SCN2A: variants seen among roughly 807,000 people sequenced by gnomAD.
The protein encoded by SCN2A is sodium voltage-gated channel alpha subunit 2.
Under a neutral mutation model 188.7 loss-of-function variants are expected in SCN2A, and 20 were observed. That is an observed-to-expected ratio of 0.11 (90% CI 0.07 to 0.15). The LOEUF (loss-of-function observed/expected upper bound fraction) is 0.15, where lower values mean the gene tolerates loss of function less well. SCN2A is among the 10% of genes least tolerant of loss of function. The pLI is 1.00. For missense variants in SCN2A, 1,278 were observed against 2,445.0 expected (o/e 0.52, Z 10.07); for synonymous variants, 804 against 833.1 (o/e 0.97, Z 0.60).
At chr2:165,300,841 G>T (rs1261953497) in intron 3 of SCN2A, among the ~76,000 whole-genome samples, 1 of 152,096 alleles carries the variant, frequency 6.6e-6, no homozygotes, top group Non-Finnish European at 1.5e-5. Context: ...ATCATGACTT[G>T]ACTCACATAT....
chr2:165,260,554 G>C (rs888047742), intron 1 of SCN2A, among the ~76,000 whole-genome samples: 2 of 152,104 alleles, frequency 1.3e-5, no homozygotes, highest in African/African-American at 4.8e-5. Flanking sequence ...TTTTGGAATG[G>C]TAAATGAGCA....
Position 165,325,408 on chromosome 2 carries a change from G to A in SCN2A, c.2017-1444G>A, listed in dbSNP as rs115062186. On this transcript the variant is annotated intron_variant, in intron 12 of 26. Coordinates refer to ENST00000375437, the MANE Select transcript of SCN2A (RefSeq NM_001040142.2). ...TGAGCTGAAGGTGCAAACAAATGAA[G>A]TAGGCTTTTGGAGAATGCAGAGGTG... Among the ~76,000 whole-genome samples the A allele has an allele frequency of 8.2e-3, 1,244 of 152,288 alleles. 24 individuals carry two copies. The highest frequency in any genetic ancestry group is 0.028 in the African/African-American group (1,151 of 41,564).
rs2105406558 is a variant in SCN2A, at chr2:165,391,392, A to T, written c.*1568A>T. On this transcript the variant is annotated 3_prime_UTR_variant, in exon 27 of 27. Transcript: ENST00000375437. The stretch of plus-strand genomic sequence containing the variant: ...ATAAATACTGTAAAAAGTTCATTTT[A>T]TTTTATTTTTCAGCCTTTTGTACGT... 6.6e-6 allele frequency: 1 copy of T among 152,622 alleles called. No individual in the cohort carries two copies. The highest frequency in any genetic ancestry group is 2.1e-4 in the South Asian group (1 of 4,826). The allele number at this position is 152,622 out of a possible 1,614,324, so 9.5% of individuals were successfully genotyped here. A position where few individuals can be genotyped will look rare whatever the true frequency, so the allele number is the denominator to read the frequency against.
At chr2:165,308,508 A>G (rs1697258211) in intron 4 of SCN2A, among the ~76,000 whole-genome samples, 158 bp from the exon 5 acceptor site, 1 of 152,116 alleles carries the variant, frequency 6.6e-6, no homozygotes, top group African/African-American at 2.4e-5. Flanking sequence ...TTGGAATTTA[A>G]TGTTTCTTTT....
At chr2:165,347,865 A>G (rs577934334) in intron 16 of SCN2A, among the ~76,000 whole-genome samples, 11 of 152,292 alleles carry the variant, frequency 7.2e-5, no homozygotes, top group African/African-American at 2.6e-4. Context: ...TTTAACTGAG[A>G]TGTAAGATTT....
At chr2:165,386,583 A>G (rs1421072183) in intron 25 of SCN2A, among the ~76,000 whole-genome samples, 163 bp from the exon 26 acceptor site, 2 of 152,142 alleles carry the variant, frequency 1.3e-5, no homozygotes, top group Admixed American at 6.6e-5. Flanking sequence ...CAGCTCTCCA[A>G]TCACTGGTTT....
rs1697706269 is a variant in SCN2A, at chr2:165,315,681, A to G, written c.1594A>G (p.Ile532Val). The G allele has an allele frequency of 1.9e-6, 3 of 1,614,024 alleles. No homozygotes were observed. Among genetic ancestry groups the G allele is most frequent in the Non-Finnish European group, 2.5e-6 (3 of 1,179,976 alleles). ...CCGAAAATCGGAATCTGAAGACAGC[A>G]TAAGAAGAAAAGGTTTCCGTTTTTC... ...RVRKSESEDS[I>V]RRKGFRFSLE... is the part of the protein sequence containing the mutation. The change falls in exon 11 of 27, where the codon ATA becomes GTA. Residue 532 changes from isoleucine (I) to valine (V), a missense_variant. By Grantham distance (29) the Ile-to-Val change is conservative. Coordinates refer to ENST00000375437, the MANE Select transcript of SCN2A (RefSeq NM_001040142.2).
intron 17 of SCN2A, among the ~76,000 whole-genome samples, chr2:165,360,095 TAATTA>T (rs939252504): frequency 2.6e-5 from 4 of 151,962 alleles, no homozygotes; most frequent in Admixed American, 2.0e-4. Context: ...GCCAATTTTT[TAATTA>T]AATTAAATTA....
chr2:165,290,595 A>G (rs1042587208), intron 1 of SCN2A: 4 of 171,518 alleles, frequency 2.3e-5, no homozygotes, highest in African/African-American at 9.6e-5. Context: ...AAATCATTTC[A>G]TAAATTTGTT....
intron 16 of SCN2A, among the ~76,000 whole-genome samples, chr2:165,346,205 A>G (rs1699577878): frequency 6.6e-6 from 1 of 152,082 alleles, no homozygotes; most frequent in African/African-American, 2.4e-5. Flanking sequence ...GCTTTTCTCA[A>G]GGAGCTTCTT....
At chr2:165,254,073 T>G (rs1183397364) in intron 1 of SCN2A, among the ~76,000 whole-genome samples, 2 of 151,858 alleles carry the variant, frequency 1.3e-5, no homozygotes, top group Non-Finnish European at 2.9e-5. Context: ...ATCAATATCC[T>G]TAGTGATATA....
intron 11 of SCN2A, among the ~76,000 whole-genome samples, chr2:165,322,416 T>C (rs1195440299): frequency 2.6e-5 from 4 of 152,190 alleles, no homozygotes; most frequent in Admixed American, 6.5e-5. Flanking sequence ...TTCTCAAGGC[T>C]GAACAGGGTA....
At chr2:165,292,294 G>C (rs1696255543) in intron 1 of SCN2A, among the ~76,000 whole-genome samples, 1 of 152,068 alleles carries the variant, frequency 6.6e-6, no homozygotes, top group African/African-American at 2.4e-5. Flanking sequence ...TCTTCCCCTT[G>C]CTCATTTCCA....
At chr2:165,342,141 A>G (rs1219244196) in intron 14 of SCN2A, among the ~76,000 whole-genome samples, 155 bp from the exon 15 acceptor site, 1 of 152,220 alleles carries the variant, frequency 6.6e-6, no homozygotes, top group Non-Finnish European at 1.5e-5. Flanking sequence ...ATTGATTTGA[A>G]TGCAAAGCAT....
At chr2:165,331,620 T>C (rs773500914) in intron 14 of SCN2A, 52 bp downstream of exon 14, 5 of 1,370,018 alleles carry the variant, frequency 3.6e-6, no homozygotes, top group Admixed American at 3.5e-5. Context: ...ATAATTGCCT[T>C]AGTGAATTTT....
At chr2:165,308,603 T>C (rs1574554608) in intron 4 of SCN2A, 63 bp from the exon 5 acceptor site, 4 of 1,571,538 alleles carry the variant, frequency 2.5e-6, no homozygotes, top group Non-Finnish European at 1.7e-6. Context: ...ATGTCATCTT[T>C]AAGATATGTA....
At chr2:165,360,783 C>T (rs762443467) in intron 17 of SCN2A, among the ~76,000 whole-genome samples, 3 of 151,900 alleles carry the variant, frequency 2.0e-5, no homozygotes, top group African/African-American at 4.8e-5. Flanking sequence ...ACCAAAGGGA[C>T]ATATATAGAA....
chr2:165,302,467 G>A (rs1696868885), intron 3 of SCN2A, among the ~76,000 whole-genome samples: 1 of 151,974 alleles, frequency 6.6e-6, no homozygotes, highest in African/African-American at 2.4e-5. Flanking sequence ...AACTTCTCTG[G>A]ATATTATACA....
chr2:165,378,229 A>G lies in SCN2A; in HGVS notation c.4308+579A>G, dbSNP rs572160646. Reference sequence around the variant, plus strand: ...AGTCACATTTTGAAAAAAAAAAAAAAAGAGATTGATTTCTGGTATGCCAGA... The same window carrying G: ...AGTCACATTTTGAAAAAAAAAAAAAGAGAGATTGATTTCTGGTATGCCAGA... On this transcript the variant is annotated intron_variant, in intron 23 of 26. Transcript: ENST00000375437. Among the ~76,000 whole-genome samples, 129 of 151,160 alleles carry G rather than the reference A, an allele frequency of 8.5e-4. 1 individual carries two copies. Among genetic ancestry groups the G allele is most frequent in the Admixed American group, 1.8e-3 (27 of 15,140 alleles).
Sources: allele counts gnomAD v4.1 joint callset (sites outside exome capture counted in the v4.1 genomes callset), GRCh38; gene constraint gnomAD v4.1.1; transcripts MANE v1.5; gene names NCBI Gene and HGNC (gene_info 2026-07-23, HGNC 2026-07-21).